TMPRSS12: variants seen among roughly 807,000 people sequenced by gnomAD.
TMPRSS12 encodes the protein transmembrane serine protease 12.
In TMPRSS12, 25 loss-of-function variants were observed where a neutral mutation model predicts 26.0. That is an observed-to-expected ratio of 0.96 (90% CI 0.70 to 1.34). The LOEUF (loss-of-function observed/expected upper bound fraction) is 1.34. Among genes scored for constraint, TMPRSS12 ranks in the 40% most tolerant of loss-of-function variants. TMPRSS12 has a pLI of 0.00. For synonymous variants in TMPRSS12, 150 were observed against 161.7 expected, an observed-to-expected ratio of 0.93 and a Z score of 0.55; for missense variants, 441 against 440.1, an observed-to-expected ratio of 1.00 and a Z score of -0.02.
At chr12:50,871,616 T>G (rs560875905) in intron 3 of TMPRSS12, among the ~76,000 whole-genome samples, 7 of 152,164 alleles carry the variant, frequency 4.6e-5, no homozygotes, top group Non-Finnish European at 8.8e-5. Flanking sequence ...AAAGAGATTT[T>G]GCATGGCAAA....
At chr12:50,882,953 A>T (rs1277792428) in intron 3 of TMPRSS12, among the ~76,000 whole-genome samples, 1 of 152,230 alleles carries the variant, frequency 6.6e-6, no homozygotes, top group Non-Finnish European at 1.5e-5. Context: ...TAAACGCAGT[A>T]AGAGAAAGCC....
intron 3 of TMPRSS12, among the ~76,000 whole-genome samples, chr12:50,876,803 C>CAAAAAA (rs35311314): frequency 4.0e-5 from 3 of 75,282 alleles, no homozygotes; most frequent in Non-Finnish European, 2.4e-5. Context: ...GACTCTGTCT[C>CAAAAAA]AAAAAAAAAA....
intron 4 of TMPRSS12, 139 bp downstream of exon 4, chr12:50,885,527 T>G (rs1197642221): frequency 9.4e-7 from 1 of 1,058,638 alleles, no homozygotes; most frequent in Non-Finnish European, 1.4e-6. Context: ...TTTTAACTAT[T>G]TCAACAATCC....
At chr12:50,871,278 C>T (rs1029072092) in intron 3 of TMPRSS12, among the ~76,000 whole-genome samples, 19 of 152,008 alleles carry the variant, frequency 1.2e-4, no homozygotes, top group African/African-American at 4.4e-4. Flanking sequence ...AATAGAGAAC[C>T]CAGAAATAAA....
chr12:50,843,710 G>C, intron 1 of TMPRSS12, 132 bp from the exon 2 acceptor site: 1 of 837,794 alleles, frequency 1.2e-6, no homozygotes, highest in Non-Finnish European at 1.7e-6. Flanking sequence ...AAATATGGGC[G>C]TGTCTCCGGT....
At chr12:50,862,155 G>T (rs965323060) in intron 3 of TMPRSS12, among the ~76,000 whole-genome samples, 7 of 152,140 alleles carry the variant, frequency 4.6e-5, no homozygotes, top group Non-Finnish European at 8.8e-5. Context: ...GATCTTTAAA[G>T]TGAGAGCAAT....
Position 50,887,509 on chromosome 12 carries a change from C to A in TMPRSS12, c.1043C>A (p.Thr348Lys). The A allele has an allele frequency of 6.2e-7, 1 of 1,609,920 alleles. No individual in the cohort carries two copies. Among genetic ancestry groups the A allele is most frequent in the Non-Finnish European group, 8.5e-7 (1 of 1,178,126 alleles). The change falls in exon 5 of 5, where the codon ACA becomes AAA. Residue 348 changes from threonine to lysine, a missense_variant. Coordinates refer to ENST00000398458, the MANE Select transcript of TMPRSS12 (RefSeq NM_182559.3). Reference sequence around the variant, plus strand: ...TGTTTTGTCATCTTACTAGCAACAACATAAAGAAATTCTGAAGGCTTTCAT... The same window carrying A: ...TGTTTTGTCATCTTACTAGCAACAAAATAAAGAAATTCTGAAGGCTTTCAT... ...ALCFVILLAT[T>K]
chr12:50,859,063 G>A lies in TMPRSS12; in HGVS notation c.652+10G>A, dbSNP rs764377243. ...AGAACAAAAGAAGAAGGTAATTATG[G>A]TCTGAATTTTACTGATACACATTTT... is the stretch of plus-strand genomic sequence containing the variant. On this transcript the variant is annotated intron_variant, in intron 3 of 4. Transcript: ENST00000398458. 1.3e-6 allele frequency: 2 copies of A among 1,561,000 alleles called. No homozygotes were observed. Among genetic ancestry groups the A allele is most frequent in the East Asian group, 4.5e-5 (2 of 44,356 alleles).
At chr12:50,872,905 A>G (rs1335258426) in intron 3 of TMPRSS12, among the ~76,000 whole-genome samples, 1 of 116,664 alleles carries the variant, frequency 8.6e-6, no homozygotes, top group Non-Finnish European at 1.8e-5. Context: ...GTACATATAT[A>G]TGACTATATA....
At chr12:50,881,532 CACT>C (rs1938163483) in intron 3 of TMPRSS12, among the ~76,000 whole-genome samples, 5 of 152,030 alleles carry the variant, frequency 3.3e-5, no homozygotes, top group Admixed American at 3.3e-4. Flanking sequence ...ATTCAAAACA[CACT>C]ACTAAATGAC....
intron 3 of TMPRSS12, among the ~76,000 whole-genome samples, chr12:50,869,225 A>T (rs1938019845): frequency 6.6e-6 from 1 of 152,094 alleles, no homozygotes; most frequent in Non-Finnish European, 1.5e-5. Context: ...GTTCTTTGAA[A>T]AGATAAATAA....
chr12:50,865,443 A>G (rs954637820), intron 3 of TMPRSS12, among the ~76,000 whole-genome samples: 1 of 152,236 alleles, frequency 6.6e-6, no homozygotes, highest in Non-Finnish European at 1.5e-5. Context: ...AGACTGTAGC[A>G]CCGAAGGGAA....
At chr12:50,862,363 A>T (rs1937945473) in intron 3 of TMPRSS12, among the ~76,000 whole-genome samples, 1 of 152,144 alleles carries the variant, frequency 6.6e-6, no homozygotes, top group African/African-American at 2.4e-5. Flanking sequence ...ATTCGCCAAA[A>T]TGTTAACTTT....
intron 3 of TMPRSS12, among the ~76,000 whole-genome samples, chr12:50,864,861 G>A (rs537589807): frequency 1.2e-4 from 18 of 151,948 alleles, no homozygotes; most frequent in South Asian, 4.2e-4. Flanking sequence ...GGGTTTCACC[G>A]TGTTAGCCAG....
At chr12:50,871,698 A>C (rs1253159393) in intron 3 of TMPRSS12, among the ~76,000 whole-genome samples, 2 of 152,236 alleles carry the variant, frequency 1.3e-5, no homozygotes, top group Non-Finnish European at 2.9e-5. Context: ...ACATTTGACA[A>C]AGGACTAATA....
intron 3 of TMPRSS12, 133 bp downstream of exon 3, chr12:50,859,186 C>A: frequency 3.4e-4 from 232 of 687,846 alleles, no homozygotes; most frequent in Non-Finnish European, 4.8e-4. Flanking sequence ...CGATGGTGGT[C>A]TATAAGATTA....
At chr12:50,846,228 G>A (rs1406307680) in intron 2 of TMPRSS12, among the ~76,000 whole-genome samples, 1 of 152,036 alleles carries the variant, frequency 6.6e-6, no homozygotes, top group Non-Finnish European at 1.5e-5. Flanking sequence ...CCAGTATCAC[G>A]AAGCTTTTCC....
chr12:50,854,263 T>C (rs1021181953), intron 2 of TMPRSS12, among the ~76,000 whole-genome samples: 4 of 152,016 alleles, frequency 2.6e-5, no homozygotes, highest in African/African-American at 9.7e-5. Flanking sequence ...ATTCAACATC[T>C]CTTCATGTTA....
intron 2 of TMPRSS12, among the ~76,000 whole-genome samples, chr12:50,857,837 T>C (rs1937895763): frequency 6.6e-6 from 1 of 151,768 alleles, no homozygotes; most frequent in Non-Finnish European, 1.5e-5. Flanking sequence ...GTTGTTGTTG[T>C]TGTTGTTTTG....
Sources: gnomAD v4.1 joint callset for allele counts (sites outside exome capture counted in the v4.1 genomes callset) on GRCh38, gnomAD v4.1.1 for gene constraint, MANE v1.5 for transcripts, NCBI Gene and HGNC (gene_info 2026-07-23, HGNC 2026-07-21) for gene names.